RASGRP3: variants seen among roughly 807,000 people sequenced by gnomAD.
RASGRP3 encodes the protein ras guanyl-releasing protein 3.
Under a neutral mutation model 82.7 loss-of-function variants are expected in RASGRP3, and 54 were observed. That is an observed-to-expected ratio of 0.65 (90% confidence interval 0.52 to 0.82). RASGRP3 has a LOEUF of 0.82. Among genes scored for constraint, RASGRP3 ranks in the 40% least tolerant of loss-of-function variants. The probability of loss-of-function intolerance (pLI) is 0.00; values close to 1 mark genes in which losing one functional copy is unlikely to be tolerated. For missense variants in RASGRP3, 861 were observed against 828.9 expected, an observed-to-expected ratio of 1.04 and a Z score of -0.48; for synonymous variants, 309 against 300.5, an observed-to-expected ratio of 1.03 and a Z score of -0.29.
intron 1 of RASGRP3, among the ~76,000 whole-genome samples, chr2:33,509,494 T>C (rs1670727920): frequency 6.6e-6 from 1 of 152,220 alleles, no homozygotes; most frequent in African/African-American, 2.4e-5. Flanking sequence ...TTACTAAAGC[T>C]TACAATACTG....
intron 14 of RASGRP3, among the ~76,000 whole-genome samples, chr2:33,550,622 A>C (rs1016884336): frequency 6.6e-6 from 1 of 152,226 alleles, no homozygotes; most frequent in East Asian, 1.9e-4. Context: ...AGGGAGGCCC[A>C]GCACCCAGAG....
intron 2 of RASGRP3, among the ~76,000 whole-genome samples, chr2:33,470,227 T>A (rs1008358045): frequency 3.9e-5 from 6 of 152,292 alleles, no homozygotes; most frequent in African/African-American, 1.4e-4. Flanking sequence ...AATGTTAAGT[T>A]TTCCAGTACA....
chr2:33,538,509 A>AATAC (rs1558502969), intron 11 of RASGRP3, among the ~76,000 whole-genome samples: 1 of 151,668 alleles, frequency 6.6e-6, no homozygotes, highest in Non-Finnish European at 1.5e-5. Flanking sequence ...TCTCAAAATA[A>AATAC]ATAAATAAAT....
At chr2:33,507,383 A>G (rs188414364) in intron 1 of RASGRP3, among the ~76,000 whole-genome samples, 185 of 152,316 alleles carry the variant, frequency 1.2e-3, no homozygotes, top group African/African-American at 4.3e-3. Flanking sequence ...TGACAGAGCA[A>G]GACTCGGTTA....
chr2:33,483,438 GA>G (rs1668105399), intron 1 of RASGRP3, among the ~76,000 whole-genome samples: 1 of 150,354 alleles, frequency 6.7e-6, no homozygotes, highest in African/African-American at 2.4e-5. Context: ...AAAAAATATG[GA>G]AAAAAATTAA....
Position 33,520,629 on chromosome 2 carries a change from G to C in RASGRP3, c.313G>C (p.Val105Leu). 1 of 1,614,036 alleles carries C rather than the reference G, an allele frequency of 6.2e-7. No individual in the cohort carries two copies. Among genetic ancestry groups the C allele is most frequent in the Non-Finnish European group, 8.5e-7 (1 of 1,179,876 alleles). ...LIRMTEEFREVASQLGYEKHV... is the reference protein window; with the variant it reads ...LIRMTEEFRELASQLGYEKHV... The stretch of plus-strand genomic sequence containing the variant: ...TCGTATGACTGAGGAATTTCGGGAA[G>C]TAGCTAGTCAACTAGGATATGAAAA... Residue 105 changes from valine (V) to leucine (L), a missense_variant, in exon 6 of 18, where the codon GTA becomes CTA. Coordinates refer to ENST00000403687, the MANE Select transcript of RASGRP3 (RefSeq NM_001139488.2).
intron 17 of RASGRP3, among the ~76,000 whole-genome samples, chr2:33,559,996 T>C (rs1676467822): frequency 6.6e-6 from 1 of 152,218 alleles, no homozygotes; most frequent in Non-Finnish European, 1.5e-5. Flanking sequence ...ATACAAGGTT[T>C]ATTGTAAGTT....
At chr2:33,508,083 A>G (rs1301907496) in intron 1 of RASGRP3, among the ~76,000 whole-genome samples, 2 of 152,226 alleles carry the variant, frequency 1.3e-5, no homozygotes, top group African/African-American at 2.4e-5. Flanking sequence ...GATAATTCCC[A>G]GATTTCTAGC....
Position 33,524,534 on chromosome 2 carries a change from T to G in RASGRP3, c.793T>G (p.Ser265Ala). The change falls in exon 9 of 18, where the codon TCA (serine) becomes GCA (alanine). Residue 265 changes from serine (S) to alanine (A), a missense_variant. Physicochemically the swap from Ser to Ala is moderately conservative, Grantham distance 99. Transcript: ENST00000403687. ...CAAAGAGACCCATTCTCATCTTTCT[T>G]CAGAAGTTACAAAGGTATAGTAGAC... ...RLKETHSHLS[S>A]EVTKNWNEMT... The G allele has an allele frequency of 4.4e-6, 7 of 1,591,548 alleles. No individual in the cohort carries two copies. Among genetic ancestry groups the G allele is most frequent in the Non-Finnish European group, 6.0e-6 (7 of 1,166,644 alleles).
chr2:33,562,859 T>C lies in RASGRP3; in HGVS notation c.*122T>C, dbSNP rs919649189. ...GAAAGATACCTGGATGTTTACTGCC[T>C]TGGGACACTGTGGGATCTCCATGTT... On this transcript the variant is annotated 3_prime_UTR_variant, in exon 18 of 18. Coordinates refer to ENST00000403687, the MANE Select transcript of RASGRP3 (RefSeq NM_001139488.2). 5 of 1,300,626 alleles carry C rather than the reference T, an allele frequency of 3.8e-6. No homozygotes were observed. The African/African-American group carries it at 5.9e-5, about 15-fold the overall frequency. 80.6% of individuals were successfully genotyped at this position (1,300,626 alleles called of 1,614,324 possible).
At chr2:33,474,012 G>C (rs1425269950), upstream of RASGRP3, among the ~76,000 whole-genome samples, 1 of 152,062 alleles carries the variant, frequency 6.6e-6, no homozygotes, top group Non-Finnish European at 1.5e-5. Context: ...GCTCCTATGG[G>C]AATCTAATGC....
chr2:33,457,104 C>G (rs74971407), intron 2 of RASGRP3, among the ~76,000 whole-genome samples: 2,554 of 152,118 alleles, frequency 0.017, 64 homozygotes, highest in African/African-American at 0.059. Context: ...CTCCTGGCCT[C>G]AAGTGTTCCA....
At chr2:33,464,908 T>C (rs964260939) in intron 2 of RASGRP3, among the ~76,000 whole-genome samples, 2 of 152,210 alleles carry the variant, frequency 1.3e-5, no homozygotes, top group African/African-American at 4.8e-5. Context: ...TCCCCACCTC[T>C]CTTCCTCTCC....
At chr2:33,509,737 G>C (rs1264857131) in intron 1 of RASGRP3, among the ~76,000 whole-genome samples, 2 of 152,116 alleles carry the variant, frequency 1.3e-5, no homozygotes, top group Admixed American at 6.5e-5. Flanking sequence ...GGCAAGGATT[G>C]TATCTGTCTT....
In RASGRP3 at chr2:33,539,178, G is replaced by A; in HGVS notation, c.1246G>A (p.Val416Ile). 3.1e-6 allele frequency: 5 copies of A among 1,610,126 alleles called. No individual in the cohort carries two copies. Reference protein sequence around the residue: ...LGVMPKPDPTVINKHIRKLVE... With the variant: ...LGVMPKPDPTIINKHIRKLVE... Reference sequence around the variant, plus strand: ...GGTGATGCCAAAGCCAGACCCCACGGTCATCAACAAGCACATAAGGAAATT... The same window carrying A: ...GGTGATGCCAAAGCCAGACCCCACGATCATCAACAAGCACATAAGGAAATT... Residue 416 changes from valine to isoleucine, a missense_variant, in exon 12 of 18, where the codon GTC (valine) becomes ATC (isoleucine). Transcript: ENST00000403687.
At position 33,520,659 on chromosome 2, in the gene RASGRP3, G is replaced by T; in HGVS notation, c.343G>T (p.Val115Phe). ...VASQLGYEKH[V>F]SLIDISSIPS... ...TAGTCAACTAGGATATGAAAAACAC[G>T]TCAGCCTCATCGACATATCCAGCAT... The change falls in exon 6 of 18, where the codon GTC (valine) becomes TTC (phenylalanine). Residue 115 changes from valine to phenylalanine, a missense_variant. Physicochemically the swap from Val to Phe is conservative, Grantham distance 50. Transcript: ENST00000403687. 6.2e-7 allele frequency: 1 copy of T among 1,613,966 alleles called. No homozygotes were observed. Among genetic ancestry groups the T allele is most frequent in the Non-Finnish European group, 8.5e-7 (1 of 1,179,862 alleles).
intron 1 of RASGRP3, among the ~76,000 whole-genome samples, chr2:33,494,790 T>C (rs1433054589): frequency 6.6e-6 from 1 of 152,220 alleles, no homozygotes; most frequent in African/African-American, 2.4e-5. Context: ...TTTGCTGATT[T>C]TGAGAACTTT....
chr2:33,560,191 A>T (rs1676491609), intron 17 of RASGRP3, among the ~76,000 whole-genome samples: 2 of 152,140 alleles, frequency 1.3e-5, no homozygotes, highest in African/African-American at 2.4e-5. Context: ...CATTTTCATT[A>T]TTCCAAAAAG....
intron 1 of RASGRP3, among the ~76,000 whole-genome samples, chr2:33,488,381 C>T (rs962287819): frequency 1.3e-5 from 2 of 152,172 alleles, no homozygotes; most frequent in African/African-American, 4.8e-5. Context: ...TCTAACAACT[C>T]TGAATAGTAA....
Sources: gnomAD v4.1 joint callset for allele counts (sites outside exome capture counted in the v4.1 genomes callset) on GRCh38, gnomAD v4.1.1 for gene constraint, MANE v1.5 for transcripts, NCBI Gene and HGNC (gene_info 2026-07-23, HGNC 2026-07-21) for gene names.